NOTCH2: variants seen among roughly 807,000 people sequenced by gnomAD.
NOTCH2 encodes neurogenic locus notch homolog protein 2.
In NOTCH2, 29 loss-of-function variants were observed where a neutral mutation model predicts 235.8. That is an observed-to-expected ratio of 0.12 (90% CI 0.09 to 0.17). The LOEUF (loss-of-function observed/expected upper bound fraction) is 0.17, where lower values mean the gene tolerates loss of function less well. Ranked by LOEUF, NOTCH2 falls within the 10% of genes least tolerant of loss-of-function variation. The probability of loss-of-function intolerance (pLI) is 1.00; values close to 1 mark genes in which losing one functional copy is unlikely to be tolerated. For synonymous variants in NOTCH2, 1,086 were observed against 1,141.5 expected (o/e 0.95, Z 0.98); for missense variants, 2,285 against 3,150.2 (o/e 0.73, Z 6.57).
chr1:119,997,379 A>T, intron 3 of NOTCH2, 47 bp from the exon 4 acceptor site: 1 of 1,542,748 alleles, frequency 6.5e-7, no homozygotes, highest in Non-Finnish European at 9.0e-7. Flanking sequence ...GAAATAGGAG[A>T]TGGCCCCATC....
At chr1:120,045,599 T>C (rs587697123) in intron 1 of NOTCH2, among the ~76,000 whole-genome samples, 83 of 150,636 alleles carry the variant, frequency 5.5e-4, no homozygotes, top group Middle Eastern at 6.8e-3. Flanking sequence ...ACCCAGACAA[T>C]GAAAGGGAGG....
At chr1:119,997,973 C>CAAAA (rs4020948) in intron 3 of NOTCH2, among the ~76,000 whole-genome samples, 6 of 117,470 alleles carry the variant, frequency 5.1e-5, no homozygotes, top group African/African-American at 1.8e-4. Context: ...GACTCTATTT[C>CAAAA]AAAAAAAAAA....
rs1570731305 is a variant in NOTCH2 at position 119,999,170 on chromosome 1, A to G, written c.416-1838T>C. 2.7e-5 allele frequency among the ~76,000 whole-genome samples: 4 copies of G among 148,862 alleles called. No homozygotes were observed. The South Asian group carries it at 8.7e-4, about 32-fold the overall frequency. Reference sequence around the variant, plus strand: ...AACATACGTGTGCATGTGTCTTTATAGCAGCACGATTTATAATTCTTTGGG... The same window carrying G: ...AACATACGTGTGCATGTGTCTTTATGGCAGCACGATTTATAATTCTTTGGG... On this transcript the variant is annotated intron_variant, in intron 3 of 33. Transcript: ENST00000256646.
chr1:119,955,069 G>A lies in NOTCH2; in HGVS notation c.2190C>T (p.Ile730=), dbSNP rs2101124380. Residue 730 remains isoleucine, a synonymous_variant, in exon 13 of 34, where the codon ATC becomes ATT. Transcript: ENST00000256646. ...TGAGACCTCCAGTACAGTTTCCATG[G>A]ATGCAGGGATTGCTCAGGCATTCGT... ...QVNECLSNPC[I]HGNCTGGLSG... 3 of 1,614,020 alleles carry A rather than the reference G, an allele frequency of 1.9e-6. No homozygotes were observed. The highest frequency in any genetic ancestry group is 2.5e-6 in the Non-Finnish European group (3 of 1,179,978).
chr1:119,937,940 G>A lies in NOTCH2; in HGVS notation c.3254C>T (p.Ser1085Phe), dbSNP rs782670220. ...KGTCVQKKAE[S>F]QCLCPSGWAG... ...CCATCCAGATGGACATAGGCACTGG[G>A]ACTCTGCTTTTTTCTGAACGCAAGT... is the stretch of plus-strand genomic sequence containing the variant. The change falls in exon 20 of 34, where the codon TCC becomes TTC. Residue 1085 changes from serine to phenylalanine, a missense_variant. By Grantham distance (155) the Ser-to-Phe change is radical. Coordinates refer to ENST00000256646, the MANE Select transcript of NOTCH2 (RefSeq NM_024408.4). 6.2e-7 allele frequency: 1 copy of A among 1,614,166 alleles called. No homozygotes were observed. The highest frequency in any genetic ancestry group is 1.1e-5 in the South Asian group (1 of 91,086).
intron 30 of NOTCH2, 53 bp from the exon 31 acceptor site, chr1:119,919,666 C>T: frequency 2.6e-6 from 4 of 1,561,150 alleles, no homozygotes; most frequent in Non-Finnish European, 8.8e-7. Flanking sequence ...GGTAGTTAAC[C>T]CTATGGTTGA....
intron 5 of NOTCH2, among the ~76,000 whole-genome samples, chr1:119,985,591 T>C (rs1411475641): frequency 6.6e-6 from 1 of 152,178 alleles, no homozygotes; most frequent in Admixed American, 6.5e-5. Flanking sequence ...ACACAGTTAC[T>C]GTCTCACAGA....
chr1:120,025,970 T>C (rs1653821782), intron 2 of NOTCH2, among the ~76,000 whole-genome samples: 1 of 138,450 alleles, frequency 7.2e-6, no homozygotes, highest in Non-Finnish European at 1.5e-5. Flanking sequence ...AAATATCTTA[T>C]CTCCCTGTAG....
chr1:119,965,426 G>A, intron 10 of NOTCH2, 27 bp downstream of exon 10: 2 of 1,542,644 alleles, frequency 1.3e-6, no homozygotes, highest in South Asian at 1.1e-5. Flanking sequence ...GACCTACCAA[G>A]GAGATGAAAA....
At position 119,915,902 on chromosome 1, in the gene NOTCH2, G is replaced by C. The variant is rs369659944; in HGVS notation, c.6820C>G (p.Pro2274Ala). 7 of 1,614,060 alleles carry C rather than the reference G, an allele frequency of 4.3e-6. No homozygotes were observed. Among genetic ancestry groups the C allele is most frequent in the Non-Finnish European group, 5.1e-6 (6 of 1,180,036 alleles). Residue 2274 changes from proline (P) to alanine (A), a missense_variant, in exon 34 of 34, where the codon CCA becomes GCA. This residue lies in a region of NOTCH2 where 504 missense variants were observed against 538.0 expected (regional missense o/e 0.94). Coordinates refer to ENST00000256646, the MANE Select transcript of NOTCH2 (RefSeq NM_024408.4). ...ATGCCAGGATGGGTGCCCTCAGCTG[G>C]AGCCAGGACCATACCAAACATCTCA... ...YNEMFGMVLA[P>A]AEGTHPGIAP... is the part of the protein sequence containing the mutation.
chr1:119,998,112 G>GATAC (rs1192546768), intron 3 of NOTCH2, among the ~76,000 whole-genome samples: 3 of 142,060 alleles, frequency 2.1e-5, no homozygotes, highest in Non-Finnish European at 4.5e-5. Context: ...CGCAAACACA[G>GATAC]ATACACCAAG....
At chr1:119,935,199 G>A (rs1203032736) in intron 22 of NOTCH2, 18 of 1,299,286 alleles carry the variant, frequency 1.4e-5, no homozygotes, top group Non-Finnish European at 1.8e-5. Flanking sequence ...ATTTTTTAAT[G>A]TTATGCTAAT....
At chr1:120,005,137 C>G (rs1352869058) in intron 3 of NOTCH2, 192 bp downstream of exon 3, 1 of 821,920 alleles carries the variant, frequency 1.2e-6, no homozygotes, top group African/African-American at 1.7e-5. Context: ...TTTTCTTTCT[C>G]TTTCTCTGCC....
intron 15 of NOTCH2, 142 bp downstream of exon 15, chr1:119,950,582 T>A (rs782393733): frequency 1.4e-6 from 1 of 724,244 alleles, no homozygotes. Context: ...CAAGATCCAG[T>A]CAGTAAAGGC....
At chr1:119,920,676 C>T (rs1649255503) in intron 29 of NOTCH2, among the ~76,000 whole-genome samples, 1 of 152,174 alleles carries the variant, frequency 6.6e-6, no homozygotes, top group Non-Finnish European at 1.5e-5. Flanking sequence ...CTCACTTTTC[C>T]TACCCTCCAC....
chr1:119,944,533 TA>T lies in NOTCH2; in HGVS notation c.2753-2780del, dbSNP rs59660919. On this transcript the variant is annotated intron_variant, in intron 17 of 33. Transcript: ENST00000256646. ...CTGGGCGACAGAGCGAGACTCAGTC[TA>T]AAAAAAAAAAAAAAAAAAAAAGACC... Among the ~76,000 whole-genome samples, 392 of 63,186 alleles carry T rather than the reference TA, an allele frequency of 6.2e-3. 2 individuals carry two copies. The East Asian group carries it at 0.064, about 10-fold the overall frequency. 41.5% of individuals were successfully genotyped at this position (63,186 alleles called of 152,430 possible). A position where few individuals can be genotyped will look rare whatever the true frequency, so the allele number is the denominator to read the frequency against.
rs781850215 is a variant in NOTCH2, at chr1:119,997,062, G to T, written c.686C>A (p.Pro229His). 24 of 1,614,024 alleles carry T rather than the reference G, an allele frequency of 1.5e-5. No homozygotes were observed. In the Middle Eastern group the frequency reaches 2.3e-3, roughly 155 times the overall value. Residue 229 changes from proline to histidine, a missense_variant, in exon 4 of 34, where the codon CCT becomes CAT. Physicochemically the swap from Pro to His is moderately conservative, Grantham distance 77 (BLOSUM62 -2). This residue lies in a region of NOTCH2 where 431 missense variants were observed against 757.8 expected (regional missense o/e 0.57). Transcript: ENST00000256646. ...CCGACAGGTGCCTCCATTGACACAA[G>T]GTGAGGGTGCACAGGGCACATACAG... is the stretch of plus-strand genomic sequence containing the variant. ...DSLYVPCAPS[P>H]CVNGGTCRQT...
intron 20 of NOTCH2, 35 bp downstream of exon 20, chr1:119,937,822 A>G (rs1359054567): frequency 5.0e-6 from 8 of 1,612,412 alleles, no homozygotes; most frequent in South Asian, 1.1e-5. Context: ...TCAATACTGC[A>G]GTGAATGACC....
chr1:119,953,782 C>G (rs1192920531), intron 13 of NOTCH2, 94 bp from the exon 14 acceptor site: 1 of 1,076,920 alleles, frequency 9.3e-7, no homozygotes, highest in African/African-American at 1.5e-5. Context: ...ATGGGGTAAA[C>G]TGATCTCATT....
Sources: allele counts gnomAD v4.1 joint callset (sites outside exome capture counted in the v4.1 genomes callset), GRCh38; gene constraint gnomAD v4.1.1; regional missense constraint gnomAD v4.1.1; transcripts MANE v1.5; gene names NCBI Gene and HGNC (gene_info 2026-07-23, HGNC 2026-07-21).